The following RNF150 variants were observed in gnomAD, a reference collection of about 807,000 sequenced individuals.
RNF150 encodes the protein ring finger protein 150.
RNF150 carries 24 observed loss-of-function variants against 39.3 expected under a neutral mutation model. The ratio of observed to expected loss-of-function variants is 0.61; its 90% CI spans 0.44 to 0.86. The LOEUF (loss-of-function observed/expected upper bound fraction) is 0.86, where lower values mean the gene tolerates loss of function less well. RNF150 is among the 40% of genes least tolerant of loss of function. RNF150 has a pLI of 0.00. For missense variants in RNF150, 502 were observed against 587.8 expected, an observed-to-expected ratio of 0.85 and a Z score of 1.51; for synonymous variants, 255 against 227.3, an observed-to-expected ratio of 1.12 and a Z score of -1.10.
At chr4:140,897,362 G>C (rs1730003897) in intron 6 of RNF150, among the ~76,000 whole-genome samples, 1 of 152,150 alleles carries the variant, frequency 6.6e-6, no homozygotes. Context: ...TCTGGCTTTA[G>C]AACGAATTGC....
intron 1 of RNF150, among the ~76,000 whole-genome samples, chr4:141,007,540 G>C (rs370887816): frequency 6.6e-6 from 1 of 152,014 alleles, no homozygotes; most frequent in Admixed American, 6.6e-5. Flanking sequence ...CAGTAATCTC[G>C]GGCACTTGAA....
chr4:140,974,612 C>T (rs1482147578), intron 1 of RNF150, among the ~76,000 whole-genome samples: 3 of 152,112 alleles, frequency 2.0e-5, no homozygotes, highest in Non-Finnish European at 2.9e-5. Context: ...ATTTTACATT[C>T]CCACCAGCAA....
chr4:141,029,267 G>A (rs577567885), intron 1 of RNF150, among the ~76,000 whole-genome samples: 2 of 152,196 alleles, frequency 1.3e-5, no homozygotes, highest in South Asian at 2.1e-4. Context: ...ATAGAAACAG[G>A]CCCCATCACA....
chr4:141,190,884 G>A (rs1176860841), intron 1 of RNF150, among the ~76,000 whole-genome samples: 1 of 152,088 alleles, frequency 6.6e-6, no homozygotes, highest in Non-Finnish European at 1.5e-5. Flanking sequence ...GTAATTAATA[G>A]AGTGAAAAGT....
intron 1 of RNF150, among the ~76,000 whole-genome samples, chr4:141,022,501 C>G (rs1402089935): frequency 6.6e-6 from 1 of 152,164 alleles, no homozygotes; most frequent in African/African-American, 2.4e-5. Context: ...GGTTGGCTGA[C>G]TTTGCCAGTT....
intron 1 of RNF150, among the ~76,000 whole-genome samples, chr4:141,008,485 G>GT (rs1734951015): frequency 6.6e-6 from 1 of 151,940 alleles, no homozygotes; most frequent in African/African-American, 2.4e-5. Context: ...GGAAATCTTT[G>GT]TTTATCCTAA....
intron 5 of RNF150, among the ~76,000 whole-genome samples, chr4:140,923,084 C>T (rs532371470): frequency 2.7e-5 from 4 of 148,716 alleles, no homozygotes; most frequent in African/African-American, 1.0e-4. Flanking sequence ...TCTAAAACAC[C>T]AAAAGCAATG....
Position 140,864,923 on chromosome 4 carries a change from A to T in RNF150, c.*3338T>A, listed in dbSNP as rs1728641403. On this transcript the variant is annotated 3_prime_UTR_variant, in exon 7 of 7. Coordinates refer to ENST00000515673, the MANE Select transcript of RNF150 (RefSeq NM_020724.2). ...AAAAAGGGTGCCTGAATCTTTATTCACTACAAAATAAATGGACCTCTGGGC... is the reference window on the plus strand; with the variant it reads ...AAAAAGGGTGCCTGAATCTTTATTCTCTACAAAATAAATGGACCTCTGGGC... 1 of 152,216 alleles carries T rather than the reference A, an allele frequency of 6.6e-6. No individual in the cohort carries two copies. Among genetic ancestry groups the T allele is most frequent in the Non-Finnish European group, 1.5e-5 (1 of 68,038 alleles). The allele number at this position is 152,216 out of a possible 1,614,324, so 9.4% of individuals were successfully genotyped here.
intron 6 of RNF150, among the ~76,000 whole-genome samples, chr4:140,899,738 A>G (rs983505095): frequency 6.6e-6 from 1 of 152,080 alleles, no homozygotes; most frequent in Non-Finnish European, 1.5e-5. Context: ...GATAACCACA[A>G]TTGTGTCCTG....
chr4:140,939,934 C>T (rs1305493084), intron 4 of RNF150, among the ~76,000 whole-genome samples: 1 of 152,174 alleles, frequency 6.6e-6, no homozygotes, highest in East Asian at 1.9e-4. Flanking sequence ...TGCCAGCACT[C>T]CAATTCAGAC....
intron 1 of RNF150, among the ~76,000 whole-genome samples, chr4:141,193,809 G>A (rs904405430): frequency 5.3e-5 from 8 of 152,142 alleles, no homozygotes; most frequent in Non-Finnish European, 1.2e-4. Context: ...TTATTTAGCT[G>A]GGAGGGGTCA....
chr4:141,009,065 C>G (rs753798086), intron 1 of RNF150, among the ~76,000 whole-genome samples: 1 of 151,996 alleles, frequency 6.6e-6, no homozygotes, highest in Non-Finnish European at 1.5e-5. Flanking sequence ...ACATGCCCAC[C>G]AAAAGTGGCT....
intron 4 of RNF150, among the ~76,000 whole-genome samples, chr4:140,939,969 T>C (rs1427560320): frequency 1.3e-5 from 2 of 152,210 alleles, no homozygotes; most frequent in African/African-American, 2.4e-5. Flanking sequence ...ACCTGGACTT[T>C]GCAATAGTCT....
intron 1 of RNF150, among the ~76,000 whole-genome samples, chr4:141,026,149 C>A (rs1735688375): frequency 6.6e-6 from 1 of 152,114 alleles, no homozygotes; most frequent in East Asian, 1.9e-4. Flanking sequence ...TCAAGTCATC[C>A]AGTCTATGGT....
intron 1 of RNF150, among the ~76,000 whole-genome samples, chr4:141,180,210 G>A (rs779954770): frequency 1.3e-5 from 2 of 152,136 alleles, no homozygotes; most frequent in African/African-American, 2.4e-5. Flanking sequence ...TTCTTCCCAC[G>A]TGGCTGTTGG....
intron 1 of RNF150, among the ~76,000 whole-genome samples, chr4:141,131,843 T>C (rs1330487263): frequency 2.0e-5 from 3 of 151,920 alleles, no homozygotes; most frequent in Non-Finnish European, 4.4e-5. Context: ...AAGGGGAAAC[T>C]CTCCCAAGTG....
intron 4 of RNF150, among the ~76,000 whole-genome samples, chr4:140,942,139 T>C (rs995107959): frequency 1.3e-5 from 2 of 152,124 alleles, no homozygotes; most frequent in Non-Finnish European, 2.9e-5. Flanking sequence ...ATTAGAAAGG[T>C]AAATTTTATG....
At chr4:140,999,027 C>T (rs1734482567) in intron 1 of RNF150, among the ~76,000 whole-genome samples, 1 of 152,134 alleles carries the variant, frequency 6.6e-6, no homozygotes, top group Non-Finnish European at 1.5e-5. Flanking sequence ...GCTGCTGACA[C>T]AGAATCTTCC....
intron 1 of RNF150, among the ~76,000 whole-genome samples, chr4:140,973,185 T>G (rs985997646): frequency 2.0e-5 from 3 of 152,148 alleles, no homozygotes; most frequent in Non-Finnish European, 4.4e-5. Flanking sequence ...TACAATTTAA[T>G]GTTGTCAATT....
Sources: gnomAD v4.1 joint callset for allele counts (sites outside exome capture counted in the v4.1 genomes callset) on GRCh38, gnomAD v4.1.1 for gene constraint, MANE v1.5 for transcripts, NCBI Gene and HGNC (gene_info 2026-07-23, HGNC 2026-07-21) for gene names.